The following ACER1 variants were observed in gnomAD, a reference collection of about 807,000 sequenced individuals.
ACER1 encodes the protein alkaline ceramidase 1.
ACER1 carries 28 observed loss-of-function variants against 24.9 expected under a neutral mutation model. The observed-to-expected ratio is 1.13, with a 90% CI of 0.83 to 1.54. The LOEUF (loss-of-function observed/expected upper bound fraction) is 1.54, where lower values mean the gene tolerates loss of function less well. Ranked by LOEUF, ACER1 falls within the 40% of genes most tolerant of loss-of-function variation. The pLI, the probability that ACER1 is intolerant of heterozygous loss-of-function variation, is 0.00. For synonymous variants in ACER1, 132 were observed against 131.4 expected (o/e 1.00, Z -0.03); for missense variants, 352 against 349.3 (o/e 1.01, Z -0.06).
upstream of ACER1, among the ~76,000 whole-genome samples, chr19:6,336,169 G>A (rs2091713547): frequency 6.6e-6 from 1 of 152,018 alleles, no homozygotes; most frequent in South Asian, 2.1e-4. Flanking sequence ...CCAAAGTGCT[G>A]GGATTACAGG....
At chr19:6,347,109 A>ATATATATATAT in the ACER1 span, among the ~76,000 whole-genome samples, 27 of 113,776 alleles carry the variant, frequency 2.4e-4, no homozygotes, top group African/African-American at 1.2e-3. Flanking sequence ...AAAAAAAAAA[A>ATATATATATAT]ATATATATAT....
the ACER1 span, among the ~76,000 whole-genome samples, chr19:6,340,157 T>C: frequency 6.6e-6 from 1 of 151,326 alleles, no homozygotes; most frequent in Non-Finnish European, 1.5e-5. Context: ...GGTGCGTGCC[T>C]GTAATCCCAG....
chr19:6,337,553 A>G (rs977764770), upstream of ACER1, among the ~76,000 whole-genome samples: 8 of 149,986 alleles, frequency 5.3e-5, no homozygotes, highest in Non-Finnish European at 1.0e-4. Context: ...TCCCAGGTTC[A>G]AACGATTCTC....
intron 1 of ACER1, among the ~76,000 whole-genome samples, chr19:6,324,858 AG>A (rs2091651758): frequency 7.6e-6 from 1 of 130,992 alleles, no homozygotes; most frequent in African/African-American, 3.0e-5. Flanking sequence ...AGAGAGAGAG[AG>A]AAAGGAAGGA....
At chr19:6,335,452 T>G (rs980607204), upstream of ACER1, among the ~76,000 whole-genome samples, 5 of 152,042 alleles carry the variant, frequency 3.3e-5, no homozygotes, top group South Asian at 1.0e-3. Flanking sequence ...CTCAAACTCC[T>G]GACCTTGTGA....
intron 1 of ACER1, among the ~76,000 whole-genome samples, chr19:6,321,912 G>A (rs574314966): frequency 1.5e-4 from 23 of 151,882 alleles, no homozygotes; most frequent in Non-Finnish European, 2.5e-4. Flanking sequence ...GCACCCGGCC[G>A]GCAGGGAGTT....
At chr19:6,353,817 C>T in the ACER1 span, among the ~76,000 whole-genome samples, 1 of 151,108 alleles carries the variant, frequency 6.6e-6, no homozygotes, top group Admixed American at 6.6e-5. Context: ...AAGAGCGAAA[C>T]CCCATCTCAT....
chr19:6,341,869 T>G, the ACER1 span, among the ~76,000 whole-genome samples: 2 of 152,158 alleles, frequency 1.3e-5, no homozygotes, highest in African/African-American at 4.8e-5. Flanking sequence ...GACCTCATAA[T>G]CTGCCTGCCT....
intron 1 of ACER1, among the ~76,000 whole-genome samples, chr19:6,321,694 G>A (rs1166630099): frequency 2.6e-5 from 4 of 151,932 alleles, no homozygotes; most frequent in Non-Finnish European, 5.9e-5. Context: ...TGCAACCTCC[G>A]CCTTCTGGGT....
At position 6,311,579 on chromosome 19, in the gene ACER1, AAAG is replaced by A. The variant is rs1276941424; in HGVS notation, c.350+567_350+569del. 4.0e-5 allele frequency among the ~76,000 whole-genome samples: 6 copies of A among 149,590 alleles called. No individual in the cohort carries two copies. In the East Asian group the frequency reaches 8.0e-4, roughly 20 times the overall value. The stretch of plus-strand genomic sequence containing the variant: ...GAAGGAGGAGGAGGAGGAGGAAGAA[AAAG>A]AAGAAGGAGGAGGCGGAGAAGAAGA... On this transcript the variant is annotated intron_variant, in intron 3 of 5. Coordinates refer to ENST00000301452, the MANE Select transcript of ACER1 (RefSeq NM_133492.3).
the ACER1 span, among the ~76,000 whole-genome samples, chr19:6,350,566 G>A: frequency 1.1e-5 from 1 of 93,644 alleles, no homozygotes; most frequent in Non-Finnish European, 1.8e-5. Flanking sequence ...GCAAGACTCC[G>A]TCTCAAGAAA....
At chr19:6,334,732 C>T (rs1244848827), upstream of ACER1, among the ~76,000 whole-genome samples, 1 of 151,900 alleles carries the variant, frequency 6.6e-6, no homozygotes, top group Non-Finnish European at 1.5e-5. Flanking sequence ...CATATGGAGA[C>T]GATGGTGACA....
intron 1 of ACER1, among the ~76,000 whole-genome samples, chr19:6,329,404 A>AG (rs1342796665): frequency 4.6e-5 from 7 of 152,028 alleles, no homozygotes; most frequent in Non-Finnish European, 1.0e-4. Flanking sequence ...AGAATAGAAT[A>AG]GAATAGATCC....
At position 6,333,569 on chromosome 19, in the gene ACER1, C is replaced by T; in HGVS notation, c.-18G>A. The stretch of plus-strand genomic sequence containing the variant: ...CTAGGCATCTTGTCTCAGTGGCCAC[C>T]ACCAGCCGGCTGCGCCCGGCAGAGA... On this transcript the variant is annotated 5_prime_UTR_variant, in exon 1 of 6. Transcript: ENST00000301452. 6.4e-7 allele frequency: 1 copy of T among 1,561,342 alleles called. No homozygotes were observed. The highest frequency in any genetic ancestry group is 1.4e-5 in the African/African-American group (1 of 73,884).
At chr19:6,315,536 C>A (rs1444518080) in intron 1 of ACER1, among the ~76,000 whole-genome samples, 2 of 152,118 alleles carry the variant, frequency 1.3e-5, no homozygotes, top group African/African-American at 4.8e-5. Context: ...CACGCCGCCA[C>A]ACCTGGCTAA....
chr19:6,326,441 CT>C (rs1223951653), intron 1 of ACER1, among the ~76,000 whole-genome samples: 1 of 151,028 alleles, frequency 6.6e-6, no homozygotes, highest in Non-Finnish European at 1.5e-5. Context: ...TTTTTTTAAT[CT>C]TTTGTAGTGA....
the ACER1 span, among the ~76,000 whole-genome samples, chr19:6,354,252 G>A: frequency 6.6e-6 from 1 of 151,636 alleles, no homozygotes; most frequent in East Asian, 1.9e-4. Context: ...AGCTGGGAGC[G>A]ACTCTGCCCC....
chr19:6,355,821 C>T, the ACER1 span, among the ~76,000 whole-genome samples: 10,614 of 135,696 alleles, frequency 0.078, 1,352 homozygotes, highest in East Asian at 0.33. Flanking sequence ...CCCCGCCCGG[C>T]CAGCCGCTCC....
chr19:6,351,473 G>A, the ACER1 span, among the ~76,000 whole-genome samples: 2 of 151,930 alleles, frequency 1.3e-5, no homozygotes, highest in African/African-American at 2.4e-5. Context: ...GCTCATGCCT[G>A]TAATCCCAGC....
Sources: gnomAD v4.1 joint callset for allele counts (sites outside exome capture counted in the v4.1 genomes callset) on GRCh38, gnomAD v4.1.1 for gene constraint, MANE v1.5 for transcripts, NCBI Gene and HGNC (gene_info 2026-07-23, HGNC 2026-07-21) for gene names.